Variants in TEX2 observed in about 807,000 individuals in gnomAD.
TEX2 encodes testis expressed 2.
A neutral mutation model predicts 106.9 loss-of-function variants in TEX2; 53 were observed. That is an observed-to-expected ratio of 0.50 (90% CI 0.40 to 0.62). The LOEUF (loss-of-function observed/expected upper bound fraction) is 0.62. Among genes scored for constraint, TEX2 ranks in the 20% least tolerant of loss-of-function variants. TEX2 has a pLI of 0.00. For missense variants in TEX2, 1,207 were observed against 1,379.0 expected (o/e 0.88, Z 1.98); for synonymous variants, 523 against 534.8 (o/e 0.98, Z 0.30).
chr17:64,193,668 G>C lies in TEX2; in HGVS notation c.2067C>G (p.Leu689=). The C allele has an allele frequency of 6.3e-7, 1 of 1,589,976 alleles. No individual in the cohort carries two copies. The highest frequency in any genetic ancestry group is 8.6e-7 in the Non-Finnish European group (1 of 1,168,058). Residue 689 remains leucine, a synonymous_variant, in exon 4 of 12, where the codon CTC becomes CTG. Coordinates refer to ENST00000584379, the MANE Select transcript of TEX2 (RefSeq NM_001288732.2). ...RSSQRDQILY[L]FGRTGREKEE... ...CTTTTTCTCGGCCAGTTCTCCCAAA[G>C]AGATAGAGTATCTGATCTCGCTGGC...
chr17:64,174,673 G>A (rs1274081112), intron 6 of TEX2, among the ~76,000 whole-genome samples: 1 of 152,186 alleles, frequency 6.6e-6, no homozygotes, highest in East Asian at 1.9e-4. Context: ...GCATTCAAGG[G>A]TATGGGACGT....
chr17:64,240,040 A>G (rs1555635579), intron 1 of TEX2, among the ~76,000 whole-genome samples: 1 of 152,072 alleles, frequency 6.6e-6, no homozygotes, highest in Non-Finnish European at 1.5e-5. Context: ...TACAGATGGT[A>G]AGTATATGCA....
chr17:64,247,900 A>C (rs191458222), intron 1 of TEX2, among the ~76,000 whole-genome samples: 1 of 152,224 alleles, frequency 6.6e-6, no homozygotes, highest in South Asian at 2.1e-4. Flanking sequence ...AGATTAAAAA[A>C]CCCAGATGTA....
At position 64,258,220 on chromosome 17, in the gene TEX2, C is replaced by T. The variant is rs1465566011; in HGVS notation, c.-26+4948G>A. ...AGCCACCGCACCTGGCCCAACTGTT[C>T]TATTTTTATTAGTTATATTGTTAAT... On this transcript the variant is annotated intron_variant, in intron 1 of 11. Transcript: ENST00000584379. Among the ~76,000 whole-genome samples, 3 of 152,020 alleles carry T rather than the reference C, an allele frequency of 2.0e-5. No individual in the cohort carries two copies. The East Asian group carries it at 5.8e-4, about 29-fold the overall frequency.
In TEX2 at chr17:64,193,689, C is replaced by A; in HGVS notation, c.2046G>T (p.Gln682His). 6.2e-7 allele frequency: 1 copy of A among 1,605,812 alleles called. No homozygotes were observed. Among genetic ancestry groups the A allele is most frequent in the African/African-American group, 1.3e-5 (1 of 74,486 alleles). Residue 682 changes from glutamine (Q) to histidine (H), a missense_variant, in exon 4 of 12, where the codon CAG (glutamine) becomes CAT (histidine). Gln to His is a conservative substitution (Grantham distance 24, BLOSUM62 0). Transcript: ENST00000584379. The stretch of plus-strand genomic sequence containing the variant: ...CAAAGAGATAGAGTATCTGATCTCG[C>A]TGGCTAGATCTTGTTCCCTCCTGAG... Reference protein sequence around the residue: ...PRPQEGTRSSQRDQILYLFGR... With the variant: ...PRPQEGTRSSHRDQILYLFGR...
At chr17:64,210,206 C>T (rs973933891) in intron 2 of TEX2, among the ~76,000 whole-genome samples, 2 of 152,180 alleles carry the variant, frequency 1.3e-5, no homozygotes, top group Admixed American at 6.5e-5. Context: ...AGCAACCACG[C>T]GTGAGTCATT....
intron 2 of TEX2, among the ~76,000 whole-genome samples, chr17:64,200,526 C>A (rs1555629963): frequency 2.0e-5 from 3 of 152,290 alleles, no homozygotes; most frequent in Admixed American, 2.0e-4. Flanking sequence ...CACACATGGG[C>A]ACAGTTCTGA....
At chr17:64,201,583 C>G (rs1212424827) in intron 2 of TEX2, among the ~76,000 whole-genome samples, 1 of 152,080 alleles carries the variant, frequency 6.6e-6, no homozygotes, top group African/African-American at 2.4e-5. Flanking sequence ...AGTGGCAAAT[C>G]TGGGACTCAA....
intron 5 of TEX2, among the ~76,000 whole-genome samples, chr17:64,181,199 C>A (rs1339026250): frequency 6.6e-6 from 1 of 152,026 alleles, no homozygotes; most frequent in Non-Finnish European, 1.5e-5. Flanking sequence ...AAAATTAGGC[C>A]GGGCGTGGTG....
intron 7 of TEX2, among the ~76,000 whole-genome samples, chr17:64,164,472 G>C (rs2031035130): frequency 6.6e-6 from 1 of 151,524 alleles, no homozygotes; most frequent in Non-Finnish European, 1.5e-5. Flanking sequence ...GCAGCAACAC[G>C]AGTGACAATG....
chr17:64,159,991 G>C (rs1032731549), intron 8 of TEX2, among the ~76,000 whole-genome samples: 3 of 152,174 alleles, frequency 2.0e-5, no homozygotes, highest in African/African-American at 7.2e-5. Context: ...CTTATATTTA[G>C]ACCCCATGGA....
chr17:64,259,591 T>C (rs2034252156), intron 1 of TEX2, among the ~76,000 whole-genome samples: 1 of 152,234 alleles, frequency 6.6e-6, no homozygotes, highest in Non-Finnish European at 1.5e-5. Flanking sequence ...GATAGTGCTC[T>C]AGGCAAATTG....
chr17:64,255,214 TAGTA>T (rs1555637521), intron 1 of TEX2, among the ~76,000 whole-genome samples: 1 of 152,138 alleles, frequency 6.6e-6, no homozygotes, highest in Non-Finnish European at 1.5e-5. Context: ...AGTTGCTACT[TAGTA>T]AATACATAGA....
intron 1 of TEX2, among the ~76,000 whole-genome samples, chr17:64,241,218 A>G (rs1295372221): frequency 1.3e-5 from 2 of 152,202 alleles, no homozygotes; most frequent in Non-Finnish European, 2.9e-5. Flanking sequence ...ACTACTGTCT[A>G]ATGTCTGGCA....
intron 1 of TEX2, among the ~76,000 whole-genome samples, chr17:64,219,627 G>C (rs1003152555): frequency 6.6e-6 from 1 of 152,148 alleles, no homozygotes; most frequent in Admixed American, 6.6e-5. Context: ...TGTAAGAAAT[G>C]CCTAAACTAG....
intron 1 of TEX2, among the ~76,000 whole-genome samples, chr17:64,254,924 C>A (rs2034156798): frequency 6.6e-6 from 1 of 152,016 alleles, no homozygotes; most frequent in South Asian, 2.1e-4. Context: ...TGCAGTGGTG[C>A]CATCATGGCT....
intron 1 of TEX2, among the ~76,000 whole-genome samples, chr17:64,237,244 G>A (rs1235992987): frequency 1.3e-5 from 2 of 151,910 alleles, no homozygotes; most frequent in Admixed American, 1.3e-4. Flanking sequence ...TGAGGCAGGC[G>A]CAGAGCCTCA....
chr17:64,171,271 G>C (rs1365793844), intron 6 of TEX2, 72 bp from the exon 7 acceptor site: 1 of 1,312,200 alleles, frequency 7.6e-7, no homozygotes, highest in East Asian at 2.3e-5. Flanking sequence ...AAGTCAACAT[G>C]CTTCCGGAGA....
chr17:64,210,634 C>CTTTTTTTTTTTTTTTT lies in TEX2; in HGVS notation c.1644+1924_1644+1939dup, dbSNP rs58313195. ...TAAAAGAATTCTCCCCAACCCCCAG[C>CTTTTTTTTTTTTTTTT]TTTTTTTTTTTTTTTTTTTTTTTTT... On this transcript the variant is annotated intron_variant, in intron 2 of 11. Coordinates refer to ENST00000584379, the MANE Select transcript of TEX2 (RefSeq NM_001288732.2). Among the ~76,000 whole-genome samples the CTTTTTTTTTTTTTTTT allele has an allele frequency of 1.2e-3, 93 of 74,760 alleles. 5 individuals are homozygous for CTTTTTTTTTTTTTTTT. Among genetic ancestry groups the CTTTTTTTTTTTTTTTT allele is most frequent in the Non-Finnish European group, 1.9e-3 (78 of 41,032 alleles). The allele number at this position is 74,760 out of a possible 152,430, so 49.0% of individuals were successfully genotyped here.
Sources: allele counts gnomAD v4.1 joint callset (sites outside exome capture counted in the v4.1 genomes callset), GRCh38; gene constraint gnomAD v4.1.1; transcripts MANE v1.5; gene names NCBI Gene and HGNC (gene_info 2026-07-23, HGNC 2026-07-21).